The following AP1AR variants were observed in gnomAD, a reference collection of about 807,000 sequenced individuals.
AP1AR encodes AP-1 complex-associated regulatory protein.
In AP1AR, 29 loss-of-function variants were observed where a neutral mutation model predicts 46.3. The ratio of observed to expected loss-of-function variants is 0.63; its 90% CI spans 0.47 to 0.85. The LOEUF (loss-of-function observed/expected upper bound fraction) is 0.85, where lower values mean the gene tolerates loss of function less well. Among genes scored for constraint, AP1AR ranks in the 40% least tolerant of loss-of-function variants. The pLI, the probability that AP1AR is intolerant of heterozygous loss-of-function variation, is 0.00. For missense variants in AP1AR, 357 were observed against 356.3 expected (o/e 1.00, Z -0.02); for synonymous variants, 122 against 122.9 (o/e 0.99, Z 0.05).
intron 1 of AP1AR, among the ~76,000 whole-genome samples, chr4:112,239,490 T>C (rs1725389630): frequency 6.6e-6 from 1 of 152,206 alleles, no homozygotes; most frequent in Non-Finnish European, 1.5e-5. Context: ...TCTCACACTA[T>C]ACTCTCCTTA....
Position 112,268,404 on chromosome 4 carries a change from C to T in AP1AR, c.904C>T (p.Arg302Ter), listed in dbSNP as rs552933023. 21 of 1,585,780 alleles carry T rather than the reference C, an allele frequency of 1.3e-5. 1 individual carries two copies. Among genetic ancestry groups the T allele is most frequent in the African/African-American group, 2.7e-5 (2 of 74,206 alleles). ...IRHSDTDQQTR is the reference protein window; with the variant it reads ...IRHSDTDQQT ...GCATTCTGACACAGATCAACAGACT[C>T]GATAGGGTAAAATTGTGTGACCTTG... The change falls in exon 10 of 10, where the codon CGA becomes TGA. Residue 302 changes from arginine to a stop codon, truncating the protein, a stop_gained. Transcript: ENST00000274000. LOFTEE classifies it high-confidence loss of function.
rs542506296 is a variant in AP1AR at position 112,271,895 on chromosome 4, C to G, written c.*3486C>G. 6.6e-6 allele frequency among the ~76,000 whole-genome samples: 1 copy of G among 152,202 alleles called. No individual in the cohort carries two copies. The highest frequency in any genetic ancestry group is 2.1e-4 in the South Asian group (1 of 4,828). Reference sequence around the variant, plus strand: ...AGGGGAGCACATAGGCAGAAAAGCCCCACTAAGTGTTGACATTTAGAAGTT... The same window carrying G: ...AGGGGAGCACATAGGCAGAAAAGCCGCACTAAGTGTTGACATTTAGAAGTT... On this transcript the variant is annotated 3_prime_UTR_variant, in exon 10 of 10. Coordinates refer to ENST00000274000, the MANE Select transcript of AP1AR (RefSeq NM_018569.6).
rs1725874918 is a variant in AP1AR at position 112,249,763 on chromosome 4, GGCCATTACT to G, written c.84-3443_84-3435del. Among the ~76,000 whole-genome samples the G allele has an allele frequency of 2.0e-5, 3 of 152,198 alleles. No homozygotes were observed. The East Asian group carries it at 5.8e-4, about 29-fold the overall frequency. ...GATACCATCTTGTGCCAGTCAGCGT[GGCCATTACT>G]GAAAAGTTAAAAAGCAATAGATGTT... On this transcript the variant is annotated intron_variant, in intron 1 of 9. Transcript: ENST00000274000.
chr4:112,252,884 T>C (rs1017932712), intron 1 of AP1AR, among the ~76,000 whole-genome samples: 7 of 152,222 alleles, frequency 4.6e-5, no homozygotes, highest in African/African-American at 1.7e-4. Context: ...CGAGGTACTT[T>C]TCTTGATGTA....
At chr4:112,233,408 T>C (rs1725104809) in intron 1 of AP1AR, among the ~76,000 whole-genome samples, 3 of 152,250 alleles carry the variant, frequency 2.0e-5, no homozygotes, top group African/African-American at 7.2e-5. Flanking sequence ...GAGTGGGACA[T>C]GACAGTTGTT....
At chr4:112,260,653 A>G (rs1726401095) in intron 4 of AP1AR, 113 bp from the exon 5 acceptor site, 2 of 654,102 alleles carry the variant, frequency 3.1e-6, no homozygotes, top group Admixed American at 3.5e-5. Flanking sequence ...TTGCTTTAAC[A>G]TTTTTAACAG....
At chr4:112,246,228 G>A (rs1224448262) in intron 1 of AP1AR, among the ~76,000 whole-genome samples, 1 of 152,134 alleles carries the variant, frequency 6.6e-6, no homozygotes, top group Non-Finnish European at 1.5e-5. Context: ...ATTTTAGGCT[G>A]GGTGTGGTGG....
chr4:112,245,974 A>G lies in AP1AR; in HGVS notation c.84-7234A>G, dbSNP rs188783381. On this transcript the variant is annotated intron_variant, in intron 1 of 9. Coordinates refer to ENST00000274000, the MANE Select transcript of AP1AR (RefSeq NM_018569.6). ...TCCTTCTAAGACTCAATTTTCACCT[A>G]AGATTATTAGAAATGTACGTTAATA... Among the ~76,000 whole-genome samples the G allele has an allele frequency of 3.3e-4, 50 of 152,222 alleles. 1 individual carries two copies. Among genetic ancestry groups the G allele is most frequent in the Admixed American group, 3.1e-3 (47 of 15,290 alleles).
rs1578427163 is a variant in AP1AR at position 112,270,959 on chromosome 4, A to G, written c.*2550A>G. Among the ~76,000 whole-genome samples the G allele has an allele frequency of 6.6e-6, 1 of 152,214 alleles. No homozygotes were observed. The highest frequency in any genetic ancestry group is 1.9e-4 in the East Asian group (1 of 5,194). ...GTGGATATATAGCACTCCCAATGGA[A>G]TATAGTGTGCCTTGGGTTTACAATG... On this transcript the variant is annotated 3_prime_UTR_variant, in exon 10 of 10. Coordinates refer to ENST00000274000, the MANE Select transcript of AP1AR (RefSeq NM_018569.6).
In AP1AR at chr4:112,271,014, A is replaced by C. The variant is rs1162324395; in HGVS notation, c.*2605A>C. On this transcript the variant is annotated 3_prime_UTR_variant, in exon 10 of 10. Coordinates refer to ENST00000274000, the MANE Select transcript of AP1AR (RefSeq NM_018569.6). The stretch of plus-strand genomic sequence containing the variant: ...TGAAAAGGCAGAGCAGATTTGTTTT[A>C]GAGGTAGAATCATCAGGATTTTCTG... Among the ~76,000 whole-genome samples, 2 of 152,170 alleles carry C rather than the reference A, an allele frequency of 1.3e-5. No homozygotes were observed. The highest frequency in any genetic ancestry group is 3.8e-4 in the East Asian group (2 of 5,198).
At position 112,270,591 on chromosome 4, in the gene AP1AR, C is replaced by G. The variant is rs571740643; in HGVS notation, c.*2182C>G. Among the ~76,000 whole-genome samples the G allele has an allele frequency of 2.0e-5, 3 of 152,244 alleles. No homozygotes were observed. Among genetic ancestry groups the G allele is most frequent in the African/African-American group, 7.2e-5 (3 of 41,532 alleles). ...ACTTGGCTAAAACCTAATTGTTAAG[C>G]AGGAAACAGTCAAGTAAAACCTGGT... On this transcript the variant is annotated 3_prime_UTR_variant, in exon 10 of 10. Transcript: ENST00000274000.
intron 1 of AP1AR, among the ~76,000 whole-genome samples, chr4:112,239,887 C>T (rs542563725): frequency 3.3e-5 from 5 of 152,332 alleles, no homozygotes; most frequent in African/African-American, 7.2e-5. Flanking sequence ...CGGTGCTTGC[C>T]ACATAGTAGG....
In AP1AR at chr4:112,243,129, AATGCACATAT is replaced by A. The variant is rs574863990; in HGVS notation, c.84-10078_84-10069del. On this transcript the variant is annotated intron_variant, in intron 1 of 9. Transcript: ENST00000274000. ...CATGTGACTGGATTCATGAACGTTA[AATGCACATAT>A]TATGTGCCCGTAATCATTTTCTTCA... Among the ~76,000 whole-genome samples, 9 of 152,308 alleles carry A rather than the reference AATGCACATAT, an allele frequency of 5.9e-5. No homozygotes were observed. The South Asian group carries it at 8.3e-4, about 14-fold the overall frequency.
At chr4:112,266,188 C>T (rs1726695831) in intron 8 of AP1AR, among the ~76,000 whole-genome samples, 1 of 151,660 alleles carries the variant, frequency 6.6e-6, no homozygotes, top group Admixed American at 6.6e-5. Context: ...GTTTCAAAAG[C>T]AAAAACTCTT....
chr4:112,254,769 A>G lies in AP1AR; in HGVS notation c.155A>G (p.Asp52Gly), dbSNP rs1229476035. The change falls in exon 3 of 10, where the codon GAT (aspartate) becomes GGT (glycine). Residue 52 changes from aspartate to glycine, a missense_variant. Transcript: ENST00000274000. ...CAGTTTGAGAATCTAGTAGAAAGTG[A>G]TGAAGTAAGTATTTCCATAATAGTA... ...TIEFENLVES[D>G]EGESPGSSHR... The G allele has an allele frequency of 2.0e-6, 3 of 1,497,258 alleles. No individual in the cohort carries two copies. Among genetic ancestry groups the G allele is most frequent in the Non-Finnish European group, 2.7e-6 (3 of 1,109,812 alleles). 92.7% of individuals were successfully genotyped at this position (1,497,258 alleles called of 1,614,324 possible).
chr4:112,270,630 T>C lies in AP1AR; in HGVS notation c.*2221T>C, dbSNP rs974106005. ...GTAAAACCTGGTATGAAGCATGTTA[T>C]AAGCAAAGGGAACGGCAAGTACAAA... is the stretch of plus-strand genomic sequence containing the variant. On this transcript the variant is annotated 3_prime_UTR_variant, in exon 10 of 10. Coordinates refer to ENST00000274000, the MANE Select transcript of AP1AR (RefSeq NM_018569.6). Among the ~76,000 whole-genome samples the C allele has an allele frequency of 3.3e-5, 5 of 152,204 alleles. No individual in the cohort carries two copies. Among genetic ancestry groups the C allele is most frequent in the Admixed American group, 1.3e-4 (2 of 15,276 alleles).
intron 2 of AP1AR, among the ~76,000 whole-genome samples, chr4:112,253,916 A>G (rs1726073324): frequency 6.6e-6 from 1 of 152,232 alleles, no homozygotes; most frequent in Non-Finnish European, 1.5e-5. Flanking sequence ...ATTAATAAGG[A>G]AATGTGTAAG....
intron 4 of AP1AR, among the ~76,000 whole-genome samples, chr4:112,259,884 G>A (rs191708486): frequency 2.3e-4 from 35 of 152,170 alleles, no homozygotes; most frequent in African/African-American, 8.4e-4. Flanking sequence ...GTAAGTGGGG[G>A]TTGCCACAAA....
At chr4:112,247,289 TGAAGAAAA>T (rs1175058316) in intron 1 of AP1AR, among the ~76,000 whole-genome samples, 4 of 152,164 alleles carry the variant, frequency 2.6e-5, no homozygotes, top group East Asian at 1.9e-4. Context: ...TTCCTGGGTG[TGAAGAAAA>T]GAAGAAAAGA....
Sources: allele counts gnomAD v4.1 joint callset (sites outside exome capture counted in the v4.1 genomes callset), GRCh38; gene constraint gnomAD v4.1.1; transcripts MANE v1.5; gene names NCBI Gene and HGNC (gene_info 2026-07-23, HGNC 2026-07-21).